Variants in TTC39C observed in about 807,000 individuals in gnomAD.
TTC39C encodes the protein tetratricopeptide repeat protein 39C.
TTC39C carries 33 observed loss-of-function variants against 76.3 expected under a neutral mutation model. That is an observed-to-expected ratio of 0.43 (90% CI 0.33 to 0.58). The LOEUF (loss-of-function observed/expected upper bound fraction) is 0.58, where lower values mean the gene tolerates loss of function less well. TTC39C is among the 20% of genes least tolerant of loss of function. TTC39C has a pLI of 0.04. For synonymous variants in TTC39C, 254 were observed against 260.6 expected (o/e 0.97, Z 0.24); for missense variants, 595 against 701.4 (o/e 0.85, Z 1.71).
chr18:24,114,997 G>A, intron 7 of TTC39C: 1 of 199,436 alleles, frequency 5.0e-6, no homozygotes, highest in South Asian at 7.9e-5. Flanking sequence ...GGAGATAGTT[G>A]GACTGAAGTC....
At position 24,098,703 on chromosome 18, in the gene TTC39C, G is replaced by A. The variant is rs181197330; in HGVS notation, c.984+15622G>A. The stretch of plus-strand genomic sequence containing the variant: ...GCTGGAGTGCAGTGGTGCGTTCTTG[G>A]TTCATTGCAACCTCTGCCTCCCGGT... On this transcript the variant is annotated intron_variant, in intron 6 of 13. Coordinates refer to ENST00000317571, the MANE Select transcript of TTC39C (RefSeq NM_001135993.2). Among the ~76,000 whole-genome samples the A allele has an allele frequency of 2.0e-3, 297 of 151,202 alleles. 2 individuals are homozygous for A. Among genetic ancestry groups the A allele is most frequent in the Non-Finnish European group, 3.4e-3 (233 of 67,874 alleles).
intron 3 of TTC39C, among the ~76,000 whole-genome samples, chr18:24,067,612 G>A (rs1298831220): frequency 1.3e-5 from 2 of 152,106 alleles, no homozygotes; most frequent in South Asian, 2.1e-4. Flanking sequence ...TCTAACTAAC[G>A]CCTGATGACG....
At chr18:23,996,346 C>T (rs973993583) in intron 1 of TTC39C, among the ~76,000 whole-genome samples, 5 of 152,274 alleles carry the variant, frequency 3.3e-5, no homozygotes, top group South Asian at 2.1e-4. Flanking sequence ...GGAAGCACTG[C>T]GTCATTATAA....
At chr18:24,009,077 A>G (rs560235433) in intron 1 of TTC39C, among the ~76,000 whole-genome samples, 2 of 152,162 alleles carry the variant, frequency 1.3e-5, no homozygotes, top group East Asian at 3.8e-4. Context: ...AAAGGAGAGG[A>G]TCATAAAAAA....
intron 1 of TTC39C, among the ~76,000 whole-genome samples, chr18:24,056,303 G>A (rs190500041): frequency 3.0e-4 from 45 of 152,232 alleles, no homozygotes; most frequent in African/African-American, 1.1e-3. Context: ...CCCGTGCTTC[G>A]TTTATAATCC....
At chr18:24,035,724 A>G (rs915860821) in intron 1 of TTC39C, among the ~76,000 whole-genome samples, 1 of 151,860 alleles carries the variant, frequency 6.6e-6, no homozygotes, top group East Asian at 1.9e-4. Flanking sequence ...CCCCCATTCC[A>G]TGGATTGCCT....
At chr18:24,002,114 G>T (rs1343861481) in intron 1 of TTC39C, among the ~76,000 whole-genome samples, 1 of 152,130 alleles carries the variant, frequency 6.6e-6, no homozygotes, top group Non-Finnish European at 1.5e-5. Context: ...CTCACCCATT[G>T]TGTGTGGTCT....
chr18:24,088,625 T>C (rs2084476545), intron 6 of TTC39C, among the ~76,000 whole-genome samples: 1 of 152,238 alleles, frequency 6.6e-6, no homozygotes, highest in South Asian at 2.1e-4. Context: ...TCTCTGCCCG[T>C]CCACCACTCT....
chr18:24,015,410 G>C (rs1165913158), intron 1 of TTC39C: 2 of 180,802 alleles, frequency 1.1e-5, no homozygotes, highest in East Asian at 2.8e-4. Context: ...CAGCGAGCCT[G>C]GGACCCGGGC....
intron 1 of TTC39C, among the ~76,000 whole-genome samples, chr18:24,034,169 G>T (rs890403340): frequency 6.6e-6 from 1 of 152,170 alleles, no homozygotes; most frequent in African/African-American, 2.4e-5. Context: ...CCCATTCAAA[G>T]AACTCTTGGA....
chr18:24,120,075 G>A (rs1191163881), intron 8 of TTC39C, among the ~76,000 whole-genome samples: 4 of 152,082 alleles, frequency 2.6e-5, no homozygotes, highest in African/African-American at 4.8e-5. Flanking sequence ...AGGATAAGAT[G>A]TGGGTGAATA....
chr18:24,010,937 A>G (rs1200457742), upstream of TTC39C, among the ~76,000 whole-genome samples: 1 of 152,044 alleles, frequency 6.6e-6, no homozygotes, highest in Admixed American at 6.6e-5. Context: ...AGTTCCAGCT[A>G]CTCAGGAGGC....
chr18:24,124,165 C>A, intron 9 of TTC39C: 1 of 372,970 alleles, frequency 2.7e-6, no homozygotes, highest in Non-Finnish European at 4.7e-6. Context: ...TTTAAAAAAT[C>A]GATGAGTCCT....
rs2085148104 is a variant in TTC39C, at chr18:24,132,720, T to TA, written c.*149dup. ...CATTTTCCCAGTTAAGCTGACATAT[T>TA]AAAGATCTCCTCTTTTAAACATGTA... On this transcript the variant is annotated 3_prime_UTR_variant, in exon 14 of 14. Transcript: ENST00000317571. 1 of 562,000 alleles carries TA rather than the reference T, an allele frequency of 1.8e-6. No individual in the cohort carries two copies. The highest frequency in any genetic ancestry group is 1.9e-5 in the African/African-American group (1 of 52,024). The allele number at this position is 562,000 out of a possible 1,614,324, so 34.8% of individuals were successfully genotyped here. A position where few individuals can be genotyped will look rare whatever the true frequency, so the allele number is the denominator to read the frequency against.
intron 1 of TTC39C, among the ~76,000 whole-genome samples, chr18:24,047,885 T>G (rs1379222373): frequency 2.0e-5 from 3 of 152,234 alleles, no homozygotes; most frequent in African/African-American, 7.2e-5. Context: ...ACACATTGTA[T>G]GCCTGTATCG....
At chr18:24,089,249 C>T (rs144471976) in intron 6 of TTC39C, among the ~76,000 whole-genome samples, 7 of 152,302 alleles carry the variant, frequency 4.6e-5, no homozygotes, top group African/African-American at 1.4e-4. Context: ...TGTTTCTTTG[C>T]ATCTGTTGAA....
At chr18:24,046,130 G>A (rs1053828284) in intron 1 of TTC39C, among the ~76,000 whole-genome samples, 1 of 151,114 alleles carries the variant, frequency 6.6e-6, no homozygotes, top group South Asian at 2.1e-4. Context: ...AGTAGAGATG[G>A]GGTTTCACTG....
At chr18:24,044,127 C>A (rs925941754) in intron 1 of TTC39C, among the ~76,000 whole-genome samples, 5 of 150,814 alleles carry the variant, frequency 3.3e-5, no homozygotes, top group African/African-American at 1.2e-4. Flanking sequence ...TAGTGCAAAC[C>A]CAGGAACATT....
At chr18:24,103,051 G>A (rs927845915) in intron 6 of TTC39C, among the ~76,000 whole-genome samples, 27 of 152,132 alleles carry the variant, frequency 1.8e-4, no homozygotes, top group Non-Finnish European at 2.9e-5. Context: ...GCAGTGAGCC[G>A]TGATCACGCC....
Sources: allele counts gnomAD v4.1 joint callset (sites outside exome capture counted in the v4.1 genomes callset), GRCh38; gene constraint gnomAD v4.1.1; transcripts MANE v1.5; gene names NCBI Gene and HGNC (gene_info 2026-07-23, HGNC 2026-07-21).